Variants in CLUAP1 observed in about 807,000 individuals in gnomAD.
CLUAP1 encodes the protein intraflagellar transport 38.
Under a neutral mutation model 55.0 loss-of-function variants are expected in CLUAP1, and 50 were observed. The observed-to-expected ratio is 0.91, with a 90% CI of 0.72 to 1.15. The LOEUF is 1.15. Among genes scored for constraint, CLUAP1 ranks in the 50% most tolerant of loss-of-function variants. The probability of loss-of-function intolerance (pLI) is 0.00; values close to 1 mark genes in which losing one functional copy is unlikely to be tolerated. For missense variants in CLUAP1, 530 were observed against 507.6 expected, an observed-to-expected ratio of 1.04 and a Z score of -0.42; for synonymous variants, 195 against 175.4, an observed-to-expected ratio of 1.11 and a Z score of -0.88.
chr16:3,529,226 G>A (rs544266979), intron 9 of CLUAP1, among the ~76,000 whole-genome samples: 40 of 150,418 alleles, frequency 2.7e-4, no homozygotes, highest in South Asian at 1.0e-3. Flanking sequence ...ATTCAACATA[G>A]TACTTGGTAT....
chr16:3,501,186 G>A, intron 1 of CLUAP1, 97 bp downstream of exon 1: 2 of 1,289,318 alleles, frequency 1.6e-6, no homozygotes, highest in Non-Finnish European at 2.2e-6. Flanking sequence ...TGAGGCTTGC[G>A]CTGCCGGAGG....
intron 4 of CLUAP1, among the ~76,000 whole-genome samples, chr16:3,511,080 A>T (rs946571866): frequency 5.9e-5 from 9 of 152,184 alleles, no homozygotes; most frequent in African/African-American, 2.2e-4. Flanking sequence ...CCTGCAAAGA[A>T]GTTTGGGGAT....
chr16:3,520,154 C>G (rs549064704), intron 7 of CLUAP1, 118 bp downstream of exon 7: 1 of 1,068,676 alleles, frequency 9.4e-7, no homozygotes, highest in African/African-American at 1.6e-5. Flanking sequence ...GGGGGGTTCT[C>G]TTGAGCCCAG....
rs1430638801 is a variant in CLUAP1 at position 3,501,569 on chromosome 16, G to C, written c.22+480G>C. Among the ~76,000 whole-genome samples, 4 of 152,152 alleles carry C rather than the reference G, an allele frequency of 2.6e-5. No homozygotes were observed. The East Asian group carries it at 7.7e-4, about 29-fold the overall frequency. ...AGGCCGAGGCGGGCGAATCACCTGA[G>C]GTCGGGAGTTCGAGACCAGCCTGAC... On this transcript the variant is annotated intron_variant, in intron 1 of 11. Transcript: ENST00000576634.
Position 3,515,576 on chromosome 16 carries a change from A to C in CLUAP1, c.564A>C (p.Ala188=). 6.3e-7 allele frequency: 1 copy of C among 1,591,502 alleles called. No homozygotes were observed. Among genetic ancestry groups the C allele is most frequent in the Non-Finnish European group, 8.5e-7 (1 of 1,173,394 alleles). ...INETEKVMRI[A]IKEILTQVQK... The stretch of plus-strand genomic sequence containing the variant: ...AGACTGAAAAAGTGATGAGAATTGC[A>C]ATAAAAGAGATTTTGGTAAGATGAC... The change falls in exon 6 of 12, where the codon GCA becomes GCC. Residue 188 remains alanine (A), a synonymous_variant. Coordinates refer to ENST00000576634, the MANE Select transcript of CLUAP1 (RefSeq NM_015041.3).
intron 6 of CLUAP1, 24 bp downstream of exon 6, chr16:3,515,615 A>C (rs775278412): frequency 8.1e-6 from 12 of 1,490,580 alleles, no homozygotes; most frequent in Non-Finnish European, 1.1e-5. Context: ...GCTTTTATAT[A>C]ATGTTTTTTA....
intron 8 of CLUAP1, among the ~76,000 whole-genome samples, chr16:3,523,824 G>A (rs1274988975): frequency 1.3e-5 from 2 of 151,870 alleles, no homozygotes; most frequent in African/African-American, 4.8e-5. Flanking sequence ...AAATTAGCCG[G>A]GTGTGGTCGT....
intron 8 of CLUAP1, among the ~76,000 whole-genome samples, chr16:3,523,895 G>C (rs1214304572): frequency 2.0e-5 from 3 of 152,190 alleles, no homozygotes. Context: ...GAACATGGGA[G>C]GAAGAGGTTG....
chr16:3,496,444 C>A (rs1596377022), upstream of CLUAP1: 2 of 1,001,080 alleles, frequency 2.0e-6, no homozygotes, highest in Non-Finnish European at 3.0e-6. Flanking sequence ...ACAAAACGGC[C>A]GTGGTTGTGG....
At chr16:3,496,895 G>C (rs1480359449), upstream of CLUAP1, 1 of 299,000 alleles carries the variant, frequency 3.3e-6, no homozygotes, top group Non-Finnish European at 6.4e-6. Flanking sequence ...TTTTAAGATG[G>C]AGTCTCACTT....
At position 3,536,067 on chromosome 16, in the gene CLUAP1, A is replaced by T. The variant is rs115123314; in HGVS notation, c.1093-55A>T. On this transcript the variant is annotated intron_variant, in intron 11 of 11. Transcript: ENST00000576634. ...AAGGGAGGCAGAGAGTCTTAGGACAAGATGTCAGGAATGAGGCAGGATCCC... is the reference window on the plus strand; with the variant it reads ...AAGGGAGGCAGAGAGTCTTAGGACATGATGTCAGGAATGAGGCAGGATCCC... The T allele has an allele frequency of 4.1e-4, 653 of 1,594,274 alleles. 1 individual carries two copies. The African/African-American group carries it at 7.9e-3, about 19-fold the overall frequency.
At position 3,530,654 on chromosome 16, in the gene CLUAP1, G is replaced by C; in HGVS notation, c.1015G>C (p.Ala339Pro). ...AAGGCGGCTGCCCAAGCCACAGACAGCCATGGAGATGCTCATGCAAGGTAC... is the reference window on the plus strand; with the variant it reads ...AAGGCGGCTGCCCAAGCCACAGACACCCATGGAGATGCTCATGCAAGGTAC... ...EERRLPKPQTAMEMLMQGRPG... is the reference protein window; with the variant it reads ...EERRLPKPQTPMEMLMQGRPG... Residue 339 changes from alanine (A) to proline (P), a missense_variant, in exon 10 of 12, where the codon GCC becomes CCC. Transcript: ENST00000576634. 6.2e-7 allele frequency: 1 copy of C among 1,614,050 alleles called. No homozygotes were observed. The highest frequency in any genetic ancestry group is 1.1e-5 in the South Asian group (1 of 91,078).
rs1414788825 is a variant in CLUAP1 at position 3,532,783 on chromosome 16, C to G, written c.1037-3C>G. 1.9e-6 allele frequency: 3 copies of G among 1,614,006 alleles called. No homozygotes were observed. Among genetic ancestry groups the G allele is most frequent in the Non-Finnish European group, 2.5e-6 (3 of 1,179,942 alleles). On this transcript the variant is annotated splice_region_variant and splice_polypyrimidine_tract_variant and intron_variant, in intron 10 of 11. Coordinates refer to ENST00000576634, the MANE Select transcript of CLUAP1 (RefSeq NM_015041.3). ...GACTTCTTCATGCTTTTGTTGTTCT[C>G]AGGAAGACCTGGCAAACGCATTGTG...
At position 3,508,403 on chromosome 16, in the gene CLUAP1, G is replaced by A. The variant is rs918143214; in HGVS notation, c.334G>A (p.Gly112Arg). ...SVLYNAMKTK[G>R]MEGSEIVEED... is the part of the protein sequence containing the mutation. ...CCTTTATAATGCTATGAAGACCAAG[G>A]GGATGGAGGGCTCTGAAATAGTAGA... The change falls in exon 4 of 12, where the codon GGG becomes AGG. Residue 112 changes from glycine (G) to arginine (R), a missense_variant. Physicochemically the swap from Gly to Arg is moderately radical, Grantham distance 125 (BLOSUM62 -2). Coordinates refer to ENST00000576634, the MANE Select transcript of CLUAP1 (RefSeq NM_015041.3). 6.3e-7 allele frequency: 1 copy of A among 1,598,534 alleles called. No homozygotes were observed. The highest frequency in any genetic ancestry group is 8.5e-7 in the Non-Finnish European group (1 of 1,176,384).
chr16:3,520,506 T>A (rs147021182), intron 7 of CLUAP1, among the ~76,000 whole-genome samples: 192 of 152,290 alleles, frequency 1.3e-3, no homozygotes, highest in Non-Finnish European at 2.0e-3. Flanking sequence ...TGTACATGTG[T>A]TGCCTGTCAT....
rs767643895 is a variant in CLUAP1 at position 3,520,044 on chromosome 16, T to G, written c.713+8T>G. On this transcript the variant is annotated splice_region_variant and intron_variant, in intron 7 of 11. Coordinates refer to ENST00000576634, the MANE Select transcript of CLUAP1 (RefSeq NM_015041.3). ...GACTCTGCAGAGTGTCAGGTAGATA[T>G]GAACACTTGGAGAATGAGTAGAAAG... 3 of 1,601,422 alleles carry G rather than the reference T, an allele frequency of 1.9e-6. No homozygotes were observed. Among genetic ancestry groups the G allele is most frequent in the African/African-American group, 1.4e-5 (1 of 73,980 alleles).
chr16:3,515,191 A>AT (rs989437949), intron 5 of CLUAP1, among the ~76,000 whole-genome samples: 1 of 150,186 alleles, frequency 6.7e-6, no homozygotes. Context: ...CCCTATCTCT[A>AT]TTTAAAAAAA....
At chr16:3,521,261 C>T (rs2037827127) in intron 7 of CLUAP1, among the ~76,000 whole-genome samples, 1 of 151,724 alleles carries the variant, frequency 6.6e-6, no homozygotes, top group Non-Finnish European at 1.5e-5. Flanking sequence ...TTGTTAAGCT[C>T]CAAATCATTT....
chr16:3,496,251 G>T, upstream of CLUAP1: 1 of 672,804 alleles, frequency 1.5e-6, no homozygotes, highest in Non-Finnish European at 2.8e-6. Context: ...GGCGCAAAGA[G>T]CCCAAGAGCC....
Sources: gnomAD v4.1 joint callset for allele counts (sites outside exome capture counted in the v4.1 genomes callset) on GRCh38, gnomAD v4.1.1 for gene constraint, MANE v1.5 for transcripts, NCBI Gene and HGNC (gene_info 2026-07-23, HGNC 2026-07-21) for gene names.